Variants in EPCAM observed in about 807,000 individuals in gnomAD.
EPCAM encodes adenocarcinoma-associated antigen.
Under a neutral mutation model 40.0 loss-of-function variants are expected in EPCAM, and 39 were observed. The observed-to-expected ratio is 0.98, with a 90% CI of 0.76 to 1.27. The LOEUF (loss-of-function observed/expected upper bound fraction) is 1.27. EPCAM is among the 50% of genes most tolerant of loss of function. The pLI, the probability that EPCAM is intolerant of heterozygous loss-of-function variation, is 0.00. For missense variants in EPCAM, 503 were observed against 381.2 expected, an observed-to-expected ratio of 1.32 and a Z score of -2.66; for synonymous variants, 168 against 132.3, an observed-to-expected ratio of 1.27 and a Z score of -1.85.
chr2:47,373,509 T>A lies in EPCAM; in HGVS notation c.123T>A (p.Asn41Lys), dbSNP rs750032094. ...AGCTGGCCGTAAACTGCTTTGTGAATAATAATCGTCAATGCCAGTGTACTT... is the reference window on the plus strand; with the variant it reads ...AGCTGGCCGTAAACTGCTTTGTGAAAAATAATCGTCAATGCCAGTGTACTT... The part of the protein sequence containing the change: ...NYKLAVNCFV[N>K]NNRQCQCTSV... Residue 41 changes from asparagine to lysine, a missense_variant, in exon 2 of 9, where the codon AAT (asparagine) becomes AAA (lysine). Asn to Lys is a moderately conservative substitution (Grantham distance 94, BLOSUM62 0). Coordinates refer to ENST00000263735, the MANE Select transcript of EPCAM (RefSeq NM_002354.3). 16 of 1,613,794 alleles carry A rather than the reference T, an allele frequency of 9.9e-6. No individual in the cohort carries two copies. The South Asian group carries it at 1.6e-4, about 17-fold the overall frequency.
At chr2:47,378,894 T>C (rs1671498586) in intron 5 of EPCAM, 59 bp from the exon 6 acceptor site, 1 of 813,378 alleles carries the variant, frequency 1.2e-6, no homozygotes, top group South Asian at 1.4e-5. Flanking sequence ...ATTAATGTTA[T>C]TTTCAAATGA....
intron 5 of EPCAM, 51 bp from the exon 6 acceptor site, chr2:47,378,902 T>C (rs772678818): frequency 1.2e-6 from 1 of 835,630 alleles, no homozygotes; most frequent in South Asian, 1.4e-5. Flanking sequence ...TATTTTCAAA[T>C]GATTTTGATT....
chr2:47,370,720 A>G (rs1671238591), intron 1 of EPCAM, among the ~76,000 whole-genome samples: 1 of 149,278 alleles, frequency 6.7e-6, no homozygotes, highest in African/African-American at 2.5e-5. Context: ...TTTTGTATTT[A>G]TTATTTATTA....
intron 1 of EPCAM, among the ~76,000 whole-genome samples, 191 bp from the exon 2 acceptor site, chr2:47,373,272 C>T (rs1671329580): frequency 7.6e-6 from 1 of 131,528 alleles, no homozygotes; most frequent in Admixed American, 8.3e-5. Context: ...TGTCTGTATA[C>T]AGTATGCAAA....
intron 1 of EPCAM, among the ~76,000 whole-genome samples, chr2:47,370,511 G>A (rs1395866390): frequency 6.6e-6 from 1 of 151,532 alleles, no homozygotes; most frequent in African/African-American, 2.4e-5. Context: ...TCCTGAGCTC[G>A]TGATCCGCCC....
chr2:47,385,305 T>A, intron 8 of EPCAM, 95 bp downstream of exon 8: 1 of 1,001,852 alleles, frequency 1.0e-6, no homozygotes, highest in Non-Finnish European at 1.6e-6. Context: ...TCAGTTATAC[T>A]GGAGTCCCTT....
intron 1 of EPCAM, among the ~76,000 whole-genome samples, chr2:47,371,732 G>C (rs1033798660): frequency 1.3e-4 from 20 of 152,118 alleles, no homozygotes; most frequent in Non-Finnish European, 1.9e-4. Context: ...TACAGGATGG[G>C]GCTGCAGAAG....
At chr2:47,375,410 A>G in intron 4 of EPCAM, 111 bp downstream of exon 4, 1 of 738,370 alleles carries the variant, frequency 1.4e-6, no homozygotes, top group Non-Finnish European at 2.4e-6. Flanking sequence ...CTGAAAAATA[A>G]AGTTACTTGA....
intron 3 of EPCAM, among the ~76,000 whole-genome samples, chr2:47,374,912 C>A (rs977393363): frequency 1.3e-5 from 2 of 152,162 alleles, no homozygotes; most frequent in African/African-American, 2.4e-5. Context: ...TGTTGGATTA[C>A]AGTTGTGAGC....
At chr2:47,378,299 C>CTTTTTTTTTTTT (rs70940676) in intron 5 of EPCAM, among the ~76,000 whole-genome samples, 4 of 118,678 alleles carry the variant, frequency 3.4e-5, no homozygotes, top group Non-Finnish European at 3.4e-5. Flanking sequence ...TTTTTCTTTT[C>CTTTTTTTTTTTT]TTTTTTTTTT....
intron 7 of EPCAM, among the ~76,000 whole-genome samples, chr2:47,384,355 C>G (rs1258870113): frequency 6.6e-6 from 1 of 151,714 alleles, no homozygotes; most frequent in African/African-American, 2.4e-5. Context: ...CCACCCACCT[C>G]AGCCTCTGAA....
In EPCAM at chr2:47,373,527, G is replaced by T. The variant is rs186094931; in HGVS notation, c.141G>T (p.Gln47His). 1.9e-6 allele frequency: 3 copies of T among 1,613,850 alleles called. No individual in the cohort carries two copies. Among genetic ancestry groups the T allele is most frequent in the Admixed American group, 3.3e-5 (2 of 60,012 alleles). ...NCFVNNNRQC[Q>H]CTSVGAQNTV... ...TTGTGAATAATAATCGTCAATGCCA[G>T]TGTACTTCAGTTGGTGCACAAAATA... The change falls in exon 2 of 9, where the codon CAG becomes CAT. Residue 47 changes from glutamine to histidine, a missense_variant. Physicochemically the swap from Gln to His is conservative, Grantham distance 24. Coordinates refer to ENST00000263735, the MANE Select transcript of EPCAM (RefSeq NM_002354.3).
At chr2:47,371,759 A>G (rs866392272) in intron 1 of EPCAM, among the ~76,000 whole-genome samples, 5 of 152,282 alleles carry the variant, frequency 3.3e-5, no homozygotes, top group African/African-American at 9.6e-5. Flanking sequence ...ACGCTTGAGA[A>G]CAAGTGCTGT....
intron 1 of EPCAM, among the ~76,000 whole-genome samples, chr2:47,371,432 G>A (rs916658475): frequency 5.3e-5 from 8 of 152,158 alleles, no homozygotes; most frequent in African/African-American, 1.9e-4. Context: ...GCATCTCTTG[G>A]TTTATTTGTA....
chr2:47,369,398 C>T lies in EPCAM; in HGVS notation c.-108C>T, dbSNP rs561842739. The T allele has an allele frequency of 6.5e-4, 785 of 1,213,592 alleles. 7 individuals carry two copies. The African/African-American group carries it at 0.011, about 18-fold the overall frequency. The allele number at this position is 1,213,592 out of a possible 1,614,324, so 75.2% of individuals were successfully genotyped here. Reference sequence around the variant, plus strand: ...TGTCCTCCCGACGCGGACCCGCGTGCCCCAGGCCTCGCGCTGCCCGGCCGG... The same window carrying T: ...TGTCCTCCCGACGCGGACCCGCGTGTCCCAGGCCTCGCGCTGCCCGGCCGG... On this transcript the variant is annotated 5_prime_UTR_variant, in exon 1 of 9. Transcript: ENST00000263735.
At chr2:47,381,499 T>C (rs568561521) in intron 7 of EPCAM, among the ~76,000 whole-genome samples, 1 of 152,066 alleles carries the variant, frequency 6.6e-6, no homozygotes, top group African/African-American at 2.4e-5. Flanking sequence ...CATGTTTGGC[T>C]ATCCATCTGG....
chr2:47,374,474 G>T (rs895838545), intron 3 of EPCAM, among the ~76,000 whole-genome samples: 1 of 152,134 alleles, frequency 6.6e-6, no homozygotes, highest in African/African-American at 2.4e-5. Context: ...AAAAGGCACA[G>T]AAACCCACTC....
intron 5 of EPCAM, among the ~76,000 whole-genome samples, chr2:47,377,445 C>T (rs533417030): frequency 1.1e-4 from 16 of 152,066 alleles, no homozygotes; most frequent in African/African-American, 3.9e-4. Flanking sequence ...CTATGTTGGC[C>T]AGGCTGGTCT....
At chr2:47,385,142 A>G in intron 7 of EPCAM, 24 bp from the exon 8 acceptor site, 1 of 1,595,878 alleles carries the variant, frequency 6.3e-7, no homozygotes, top group Non-Finnish European at 8.6e-7. Flanking sequence ...GTCCTAAAAC[A>G]ATAGTTGTCT....
Sources: allele counts gnomAD v4.1 joint callset (sites outside exome capture counted in the v4.1 genomes callset), GRCh38; gene constraint gnomAD v4.1.1; transcripts MANE v1.5; gene names NCBI Gene and HGNC (gene_info 2026-07-23, HGNC 2026-07-21).